The following STRA8 variants were observed in gnomAD, a reference collection of about 807,000 sequenced individuals.
STRA8 encodes stimulated by retinoic acid gene 8 protein homolog.
STRA8 carries 18 observed loss-of-function variants against 37.1 expected under a neutral mutation model. The ratio of observed to expected loss-of-function variants is 0.48; its 90% CI spans 0.34 to 0.72. The LOEUF (loss-of-function observed/expected upper bound fraction) is 0.72, where lower values mean the gene tolerates loss of function less well. Ranked by LOEUF, STRA8 falls within the 30% of genes least tolerant of loss-of-function variation. The pLI is 0.01. For missense variants in STRA8, 357 were observed against 410.4 expected (o/e 0.87, Z 1.13); for synonymous variants, 168 against 162.9 (o/e 1.03, Z -0.24).
At chr7:135,247,026 T>C (rs1039662757) in intron 6 of STRA8, 12 of 267,502 alleles carry the variant, frequency 4.5e-5, no homozygotes, top group African/African-American at 2.5e-4. Flanking sequence ...TTTGTATTTT[T>C]AGTAGAGACG....
chr7:135,240,760 G>A (rs1832452589), intron 2 of STRA8, 44 bp downstream of exon 2: 1 of 1,603,824 alleles, frequency 6.2e-7, no homozygotes, highest in African/African-American at 1.3e-5. Flanking sequence ...CCACGGGGAA[G>A]GAGACGTTTT....
rs1354498346 is a variant in STRA8, at chr7:135,246,524, G to A, written c.701G>A (p.Trp234Ter). The A allele has an allele frequency of 6.3e-7, 1 of 1,576,292 alleles. No individual in the cohort carries two copies. Among genetic ancestry groups the A allele is most frequent in the Non-Finnish European group, 8.6e-7 (1 of 1,160,882 alleles). ...PIVSAAISHL[W>*]QNLSEERKAS... ...GTCTCCGCGGCCATCTCCCACCTGT[G>A]GCAGAACCTCTCGGAGGAGAGGAAG... is the stretch of plus-strand genomic sequence containing the variant. Residue 234 changes from tryptophan to a stop codon, truncating the protein, a stop_gained, in exon 6 of 9, where the codon TGG becomes TAG. Coordinates refer to ENST00000662584, the MANE Select transcript of STRA8 (RefSeq NM_001394401.1). LOFTEE classifies it high-confidence loss of function. This position sits in a 1 kb window ranked among gnomAD's most constrained non-coding sequence, Gnocchi z 5.4.
intron 2 of STRA8, among the ~76,000 whole-genome samples, chr7:135,241,379 C>G (rs1473682988): frequency 1.3e-5 from 2 of 152,202 alleles, no homozygotes; most frequent in Non-Finnish European, 2.9e-5. Flanking sequence ...CTCCAGCCCC[C>G]TCAAGTCTCC....
At chr7:135,242,926 A>G in intron 3 of STRA8, 70 bp downstream of exon 3, 2 of 1,513,924 alleles carry the variant, frequency 1.3e-6, no homozygotes, top group South Asian at 2.3e-5. Flanking sequence ...TCTATTGAAA[A>G]CAGAAGTTGG....
At position 135,243,426 on chromosome 7, in the gene STRA8, C is replaced by T. The variant is rs751500616; in HGVS notation, c.353+16C>T. ...GAAATGACAGGTAAGACACCACAAA[C>T]CCCAGGAAGCTGGGGACCTGCTGTG... On this transcript the variant is annotated intron_variant, in intron 4 of 8. Transcript: ENST00000662584. 1.2e-6 allele frequency: 2 copies of T among 1,613,022 alleles called. No individual in the cohort carries two copies. The highest frequency in any genetic ancestry group is 1.7e-6 in the Non-Finnish European group (2 of 1,179,182).
chr7:135,232,087 G>A, upstream of STRA8: 3 of 1,571,134 alleles, frequency 1.9e-6, no homozygotes, highest in East Asian at 2.2e-5. Flanking sequence ...ATTTTTTCTG[G>A]GTGCACATCT....
intron 5 of STRA8, chr7:135,245,974 C>T: frequency 4.2e-6 from 1 of 236,428 alleles, no homozygotes. Context: ...CCCTCAGCAG[C>T]CATGTTGGCT....
At chr7:135,253,100 A>G (rs1479973931) in intron 7 of STRA8, among the ~76,000 whole-genome samples, 1 of 152,014 alleles carries the variant, frequency 6.6e-6, no homozygotes, top group East Asian at 1.9e-4. Flanking sequence ...ATGCTCAGCT[A>G]ATTTTTGTAT....
rs1167771760 is a variant in STRA8, at chr7:135,246,792, T to G, written c.879+90T>G. On this transcript the variant is annotated intron_variant, in intron 6 of 8. Coordinates refer to ENST00000662584, the MANE Select transcript of STRA8 (RefSeq NM_001394401.1). The surrounding 1 kb of genome is among the most constrained non-coding windows in gnomAD (Gnocchi z 5.4). ...CACCAGGGCTTTGCATTTAGCAGGT[T>G]GGAGGTGCAGTTTGCCTTCTGGCTC... is the stretch of plus-strand genomic sequence containing the variant. 8 of 1,355,344 alleles carry G rather than the reference T, an allele frequency of 5.9e-6. No individual in the cohort carries two copies. The East Asian group carries it at 1.8e-4, about 31-fold the overall frequency. 84.0% of individuals were successfully genotyped at this position (1,355,344 alleles called of 1,614,324 possible).
intron 8 of STRA8, among the ~76,000 whole-genome samples, chr7:135,256,614 G>A (rs541440468): frequency 8.5e-5 from 13 of 152,150 alleles, no homozygotes; most frequent in Non-Finnish European, 1.6e-4. Context: ...AGACCAGTCT[G>A]GACAACATGG....
intron 1 of STRA8, among the ~76,000 whole-genome samples, chr7:135,239,961 A>G (rs1488651240): frequency 6.6e-6 from 1 of 151,422 alleles, no homozygotes; most frequent in Non-Finnish European, 1.5e-5. Flanking sequence ...TTTTTTTTTC[A>G]TATGCATACA....
upstream of STRA8, among the ~76,000 whole-genome samples, chr7:135,232,424 C>T (rs1832307171): frequency 6.6e-6 from 1 of 151,794 alleles, no homozygotes; most frequent in South Asian, 2.1e-4. Context: ...GCGACCCAAG[C>T]AGAATTTTGG....
chr7:135,242,418 C>A lies in STRA8; in HGVS notation c.193-363C>A, dbSNP rs181390016. Reference sequence around the variant, plus strand: ...ACCACTGAGCTGAAGTCTAGCTCTGCTTTGTGCAAGCCTGGGGTTGACGTT... The same window carrying A: ...ACCACTGAGCTGAAGTCTAGCTCTGATTTGTGCAAGCCTGGGGTTGACGTT... On this transcript the variant is annotated intron_variant, in intron 2 of 8. Coordinates refer to ENST00000662584, the MANE Select transcript of STRA8 (RefSeq NM_001394401.1). Among the ~76,000 whole-genome samples the A allele has an allele frequency of 3.2e-4, 49 of 152,304 alleles. 1 individual carries two copies. Among genetic ancestry groups the A allele is most frequent in the Non-Finnish European group, 3.7e-4 (25 of 68,024 alleles).
chr7:135,247,750 T>A (rs1356983271), intron 6 of STRA8, among the ~76,000 whole-genome samples: 1 of 152,222 alleles, frequency 6.6e-6, no homozygotes, highest in Non-Finnish European at 1.5e-5. Flanking sequence ...ATTTCTCAGC[T>A]TTCAGAACGC....
chr7:135,232,333 G>A (rs1832305194), upstream of STRA8, among the ~76,000 whole-genome samples: 1 of 152,054 alleles, frequency 6.6e-6, no homozygotes, highest in African/African-American at 2.4e-5. Context: ...AGGGAGTGGG[G>A]GTGGAGTGGG....
intron 7 of STRA8, among the ~76,000 whole-genome samples, chr7:135,254,520 C>G (rs1373276331): frequency 6.6e-6 from 1 of 152,246 alleles, no homozygotes; most frequent in African/African-American, 2.4e-5. Context: ...GCTGAGCTAA[C>G]TCATCATCTT....
In STRA8 at chr7:135,243,386, C is replaced by A. The variant is rs201416012; in HGVS notation, c.329C>A (p.Ala110Asp). ...SSLEEVKKEY[A>D]SMYSGNDSLL... ...TTAGAGGAGGTCAAGAAAGAATATG[C>A]CAGCATGTATTCTGGAAATGACAGG... The change falls in exon 4 of 9, where the codon GCC (alanine) becomes GAC (aspartate). Residue 110 changes from alanine to aspartate, a missense_variant. Transcript: ENST00000662584. The A allele has an allele frequency of 1.2e-6, 2 of 1,614,090 alleles. No individual in the cohort carries two copies. Among genetic ancestry groups the A allele is most frequent in the East Asian group, 2.2e-5 (1 of 44,886 alleles).
intron 8 of STRA8, among the ~76,000 whole-genome samples, chr7:135,257,124 C>T (rs1832713400): frequency 6.6e-6 from 1 of 152,190 alleles, no homozygotes; most frequent in African/African-American, 2.4e-5. Flanking sequence ...ATGGGAACTG[C>T]TTCTCCAGGG....
intron 2 of STRA8, among the ~76,000 whole-genome samples, chr7:135,242,149 G>A (rs1241892990): frequency 1.5e-5 from 2 of 131,492 alleles, no homozygotes; most frequent in African/African-American, 5.7e-5. Flanking sequence ...GAGGAAGGAA[G>A]GAGGGAAGGA....
Sources: gnomAD v4.1 joint callset for allele counts (sites outside exome capture counted in the v4.1 genomes callset) on GRCh38, gnomAD v4.1.1 for gene constraint, Gnocchi (gnomAD v3.1) non-coding constraint, MANE v1.5 for transcripts, NCBI Gene and HGNC (gene_info 2026-07-23, HGNC 2026-07-21) for gene names.